The following AGBL1 variants were observed in gnomAD, a reference collection of about 807,000 sequenced individuals.
AGBL1 encodes AGBL carboxypeptidase 1.
A neutral mutation model predicts 118.9 loss-of-function variants in AGBL1; 130 were observed. The observed-to-expected ratio is 1.09, with a 90% CI of 0.95 to 1.26. AGBL1 has a LOEUF of 1.26. Among genes scored for constraint, AGBL1 ranks in the 50% most tolerant of loss-of-function variants. AGBL1 has a pLI of 0.00. For synonymous variants in AGBL1, 555 were observed against 478.9 expected (o/e 1.16, Z -2.08); for missense variants, 1,584 against 1,298.1 (o/e 1.22, Z -3.38).
intron 21 of AGBL1, among the ~76,000 whole-genome samples, chr15:86,667,202 CTATGTATGTATCTATGTATG>C (rs1359442126): frequency 0.017 from 2,224 of 130,738 alleles, 22 homozygotes; most frequent in East Asian, 0.035. Context: ...ATTGAGATAT[CTATGTATGTATCTATGTATG>C]TATGTATGTA....
intron 19 of AGBL1, among the ~76,000 whole-genome samples, chr15:86,538,038 G>A (rs2346716): frequency 0.65 from 98,482 of 152,092 alleles, 33,575 homozygotes; most frequent in East Asian, 0.88. Context: ...AATACATGCT[G>A]CTGAGGTGAG....
intron 23 of AGBL1, among the ~76,000 whole-genome samples, chr15:86,973,649 C>G (rs1394608343): frequency 6.6e-6 from 1 of 151,712 alleles, no homozygotes. Flanking sequence ...CCATAGTAAT[C>G]CAGCAACTTC....
intron 5 of AGBL1, among the ~76,000 whole-genome samples, chr15:86,208,306 C>T (rs929232289): frequency 2.6e-5 from 4 of 152,076 alleles, no homozygotes; most frequent in Non-Finnish European, 4.4e-5. Flanking sequence ...CTCTGCCAGG[C>T]TTTGTTATCA....
chr15:86,774,141 A>G (rs1015839295), intron 22 of AGBL1, among the ~76,000 whole-genome samples: 1 of 152,084 alleles, frequency 6.6e-6, no homozygotes, highest in African/African-American at 2.4e-5. Flanking sequence ...AATTAGAGTG[A>G]TGTGCACAGT....
intron 23 of AGBL1, among the ~76,000 whole-genome samples, chr15:86,980,003 T>C (rs2141719669): frequency 6.6e-6 from 1 of 152,330 alleles, no homozygotes; most frequent in African/African-American, 2.4e-5. Context: ...TCCTCTCCCC[T>C]AATGCCCTTA....
intron 17 of AGBL1, among the ~76,000 whole-genome samples, chr15:86,322,386 C>T (rs536957124): frequency 6.6e-6 from 1 of 152,054 alleles, no homozygotes; most frequent in East Asian, 1.9e-4. Context: ...TTAATTGTAA[C>T]ATTGATCATT....
At position 86,667,974 on chromosome 15, in the gene AGBL1, G is replaced by A. The variant is rs370587771; in HGVS notation, c.2995-6299G>A. ...TGCTCAGCTTCTGGTGAGGCCTCAG[G>A]GAGCTTTCCCTCATGGCAGAGGTGA... is the stretch of plus-strand genomic sequence containing the variant. On this transcript the variant is annotated intron_variant, in intron 21 of 22. Coordinates refer to ENST00000614907, the MANE Select transcript of AGBL1 (RefSeq NM_001386094.1). Among the ~76,000 whole-genome samples, 57 of 152,270 alleles carry A rather than the reference G, an allele frequency of 3.7e-4. No individual in the cohort carries two copies. In the East Asian group the frequency reaches 0.011, roughly 28 times the overall value.
intron 1 of AGBL1, among the ~76,000 whole-genome samples, chr15:86,106,600 T>C (rs75084863): frequency 0.013 from 1,983 of 152,328 alleles, 15 homozygotes; most frequent in East Asian, 0.024. Flanking sequence ...ACTCTGCTGA[T>C]TGTCTTAAAA....
At chr15:86,116,226 G>T (rs1897749739) in intron 1 of AGBL1, among the ~76,000 whole-genome samples, 1 of 152,088 alleles carries the variant, frequency 6.6e-6, no homozygotes, top group Admixed American at 6.5e-5. Context: ...AACCAATCGA[G>T]AACAAAAATG....
intron 18 of AGBL1, among the ~76,000 whole-genome samples, chr15:86,508,455 T>G (rs935234923): frequency 6.6e-6 from 1 of 152,122 alleles, no homozygotes; most frequent in African/African-American, 2.4e-5. Flanking sequence ...AGGAAACCTA[T>G]TTTTCATTGG....
At chr15:86,327,624 G>C (rs2080203606) in intron 17 of AGBL1, among the ~76,000 whole-genome samples, 1 of 152,218 alleles carries the variant, frequency 6.6e-6, no homozygotes, top group African/African-American at 2.4e-5. Flanking sequence ...TCATTGAGGT[G>C]TCAGCTGCTT....
intron 18 of AGBL1, among the ~76,000 whole-genome samples, chr15:86,513,494 C>T (rs1428764352): frequency 6.6e-6 from 1 of 151,980 alleles, no homozygotes; most frequent in Non-Finnish European, 1.5e-5. Context: ...CAGACTTCTC[C>T]ATCATAAAGT....
At chr15:86,387,254 G>A (rs968152322) in intron 17 of AGBL1, among the ~76,000 whole-genome samples, 44 of 152,180 alleles carry the variant, frequency 2.9e-4, no homozygotes, top group African/African-American at 1.0e-3. Flanking sequence ...GGATGAACAG[G>A]AAAGGACACA....
At chr15:86,651,310 C>T (rs2085365017) in intron 21 of AGBL1, among the ~76,000 whole-genome samples, 3 of 152,112 alleles carry the variant, frequency 2.0e-5, no homozygotes, top group Admixed American at 6.5e-5. Flanking sequence ...TTGACTCAGA[C>T]AATCTAACTA....
chr15:86,474,726 A>T (rs1596160851), intron 18 of AGBL1, among the ~76,000 whole-genome samples: 1 of 152,190 alleles, frequency 6.6e-6, no homozygotes, highest in East Asian at 1.9e-4. Context: ...TGAAGACAGT[A>T]GTGGTTCTCC....
At chr15:86,894,151 G>A (rs1284255486) in intron 22 of AGBL1, among the ~76,000 whole-genome samples, 1 of 152,100 alleles carries the variant, frequency 6.6e-6, no homozygotes, top group East Asian at 1.9e-4. Flanking sequence ...ATTTTCAGGT[G>A]TTTTCTCCAT....
At chr15:86,451,372 C>T (rs549200466) in intron 18 of AGBL1, among the ~76,000 whole-genome samples, 2 of 152,292 alleles carry the variant, frequency 1.3e-5, no homozygotes, top group East Asian at 1.9e-4. Flanking sequence ...TCTTTGCATT[C>T]TTATATACCC....
At chr15:86,819,598 C>A (rs2078911282) in intron 22 of AGBL1, among the ~76,000 whole-genome samples, 1 of 151,974 alleles carries the variant, frequency 6.6e-6, no homozygotes, top group Non-Finnish European at 1.5e-5. Flanking sequence ...ATGTGAAGGA[C>A]CTCTTCAAGG....
chr15:86,952,410 A>G (rs1283639624), intron 23 of AGBL1, among the ~76,000 whole-genome samples: 1 of 152,006 alleles, frequency 6.6e-6, no homozygotes, highest in Non-Finnish European at 1.5e-5. Context: ...AACTATCTCT[A>G]CTTTTTAATT....
Sources: gnomAD v4.1 joint callset for allele counts (sites outside exome capture counted in the v4.1 genomes callset) on GRCh38, gnomAD v4.1.1 for gene constraint, MANE v1.5 for transcripts, NCBI Gene and HGNC (gene_info 2026-07-23, HGNC 2026-07-21) for gene names.